KCNT2: variants seen among roughly 807,000 people sequenced by gnomAD.
KCNT2 encodes potassium channel subfamily T member 2.
In KCNT2, 67 loss-of-function variants were observed where a neutral mutation model predicts 153.8. That is an observed-to-expected ratio of 0.44 (90% CI 0.36 to 0.53). The LOEUF (loss-of-function observed/expected upper bound fraction) is 0.53. Ranked by LOEUF, KCNT2 falls within the 20% of genes least tolerant of loss-of-function variation. The probability of loss-of-function intolerance (pLI) is 0.00; values close to 1 mark genes in which losing one functional copy is unlikely to be tolerated. For missense variants in KCNT2, 975 were observed against 1,354.8 expected, an observed-to-expected ratio of 0.72 and a Z score of 4.40; for synonymous variants, 500 against 458.8, an observed-to-expected ratio of 1.09 and a Z score of -1.15.
intron 1 of KCNT2, among the ~76,000 whole-genome samples, chr1:196,563,466 A>G (rs1659690617): frequency 3.8e-5 from 1 of 26,260 alleles, no homozygotes; most frequent in Non-Finnish European, 8.0e-5. Flanking sequence ...AAGAAAAAAA[A>G]AAAAACTTTT....
intron 1 of KCNT2, among the ~76,000 whole-genome samples, chr1:196,513,075 A>G (rs890452034): frequency 3.9e-5 from 6 of 152,144 alleles, no homozygotes; most frequent in African/African-American, 1.4e-4. Flanking sequence ...TCTTCTCCCA[A>G]TTAATTCTAA....
intron 1 of KCNT2, among the ~76,000 whole-genome samples, chr1:196,588,276 A>AG (rs1449079392): frequency 1.3e-5 from 2 of 151,494 alleles, no homozygotes; most frequent in Non-Finnish European, 3.0e-5. Flanking sequence ...GATGGGAAAA[A>AG]AAAACAGGAA....
chr1:196,371,220 C>CAA (rs952744388), intron 14 of KCNT2, among the ~76,000 whole-genome samples: 3,762 of 21,958 alleles, frequency 0.17, 1,174 homozygotes, highest in African/African-American at 0.36. Flanking sequence ...CCCGTCACTA[C>CAA]AAAAAAAAAA....
chr1:196,575,644 A>G (rs994012698), intron 1 of KCNT2, among the ~76,000 whole-genome samples: 3 of 150,460 alleles, frequency 2.0e-5, no homozygotes, highest in African/African-American at 7.3e-5. Context: ...ATATATTTAT[A>G]TATACATAAA....
chr1:196,556,372 G>A (rs1359431480), intron 1 of KCNT2, among the ~76,000 whole-genome samples: 1 of 151,242 alleles, frequency 6.6e-6, no homozygotes, highest in Non-Finnish European at 1.5e-5. Flanking sequence ...GAAAACATAC[G>A]AATGGCAAAC....
chr1:196,240,824 G>A (rs951802647), intron 26 of KCNT2, among the ~76,000 whole-genome samples: 3 of 152,162 alleles, frequency 2.0e-5, no homozygotes, highest in African/African-American at 4.8e-5. Context: ...CGAGGGGAAG[G>A]CTGGTGGTAT....
At chr1:196,235,769 A>C (rs1010936934) in intron 27 of KCNT2, among the ~76,000 whole-genome samples, 24 of 151,478 alleles carry the variant, frequency 1.6e-4, no homozygotes, top group African/African-American at 5.8e-4. Flanking sequence ...TACAGAATTC[A>C]TGCTGCTATT....
intron 26 of KCNT2, among the ~76,000 whole-genome samples, chr1:196,247,907 C>A (rs754764252): frequency 6.6e-6 from 1 of 152,104 alleles, no homozygotes; most frequent in Non-Finnish European, 1.5e-5. Context: ...GGCCACAAAA[C>A]AAGACTTCAT....
chr1:196,537,258 G>A (rs571676420), intron 1 of KCNT2, among the ~76,000 whole-genome samples: 1 of 152,306 alleles, frequency 6.6e-6, no homozygotes, highest in South Asian at 2.1e-4. Flanking sequence ...ATACGGTGAG[G>A]CTATGCATAT....
Position 196,430,551 on chromosome 1 carries a change from G to A in KCNT2, c.639-794C>T, listed in dbSNP as rs75859493. Among the ~76,000 whole-genome samples the A allele has an allele frequency of 2.6e-3, 398 of 151,960 alleles. 15 individuals carry two copies. The East Asian group carries it at 0.068, about 26-fold the overall frequency. On this transcript the variant is annotated intron_variant, in intron 8 of 27. Coordinates refer to ENST00000294725, the MANE Select transcript of KCNT2 (RefSeq NM_198503.5). ...GATCTTGGATTCCCAGCCTCCAAAC[G>A]CAATATAAGCCGATACGCTTCCATT...
intron 1 of KCNT2, among the ~76,000 whole-genome samples, chr1:196,562,708 C>CTT (rs201012445): frequency 7.0e-6 from 1 of 142,690 alleles, no homozygotes; most frequent in African/African-American, 2.6e-5. Flanking sequence ...TCTTTCTTCT[C>CTT]TTTTTTTTTT....
chr1:196,430,378 ATCTCTCTC>A (rs71154742), intron 8 of KCNT2, among the ~76,000 whole-genome samples: 83 of 144,272 alleles, frequency 5.8e-4, no homozygotes, highest in Middle Eastern at 3.6e-3. Context: ...CACAAGATCG[ATCTCTCTC>A]TCTCTCTCTC....
intron 4 of KCNT2, among the ~76,000 whole-genome samples, chr1:196,480,909 A>G (rs975174509): frequency 6.6e-6 from 1 of 150,832 alleles, no homozygotes; most frequent in Non-Finnish European, 1.5e-5. Flanking sequence ...ATTTTCAAAT[A>G]TCACTGTTTT....
chr1:196,583,791 G>A (rs1339172694), intron 1 of KCNT2, among the ~76,000 whole-genome samples: 1 of 152,006 alleles, frequency 6.6e-6, no homozygotes, highest in African/African-American at 2.4e-5. Context: ...AGAGCCATAG[G>A]GCAGAAGAAA....
At chr1:196,608,114 G>T (rs925634640) in intron 1 of KCNT2, 101 bp downstream of exon 1, 2 of 1,010,490 alleles carry the variant, frequency 2.0e-6, no homozygotes, top group Non-Finnish European at 1.6e-6. Context: ...TCCCTCTCTG[G>T]CTCCGTTTTC....
At chr1:196,391,222 G>A (rs975699361) in intron 13 of KCNT2, among the ~76,000 whole-genome samples, 1 of 151,302 alleles carries the variant, frequency 6.6e-6, no homozygotes, top group African/African-American at 2.4e-5. Flanking sequence ...ACAGGTAAAG[G>A]CAATGAGACA....
At chr1:196,374,653 G>A (rs1668802537) in intron 13 of KCNT2, among the ~76,000 whole-genome samples, 1 of 151,764 alleles carries the variant, frequency 6.6e-6, no homozygotes, top group South Asian at 2.1e-4. Flanking sequence ...TGAATGCAGG[G>A]AAGTGTACAT....
intron 8 of KCNT2, among the ~76,000 whole-genome samples, chr1:196,454,835 G>T (rs2148631173): frequency 6.6e-6 from 1 of 152,038 alleles, no homozygotes; most frequent in African/African-American, 2.4e-5. Flanking sequence ...GGTAGGCTCA[G>T]CCGGTTTCTT....
chr1:196,371,188 A>C (rs541101714), intron 14 of KCNT2, among the ~76,000 whole-genome samples: 1 of 136,762 alleles, frequency 7.3e-6, no homozygotes, highest in Admixed American at 7.8e-5. Flanking sequence ...GTTCGAGACT[A>C]GCCTGGGCAA....
Sources: gnomAD v4.1 joint callset for allele counts (sites outside exome capture counted in the v4.1 genomes callset) on GRCh38, gnomAD v4.1.1 for gene constraint, MANE v1.5 for transcripts, NCBI Gene and HGNC (gene_info 2026-07-23, HGNC 2026-07-21) for gene names.